Variants in MYO3B observed in about 807,000 individuals in gnomAD.
The protein encoded by MYO3B is myosin IIIB.
A neutral mutation model predicts 174.6 loss-of-function variants in MYO3B; 156 were observed. The ratio of observed to expected loss-of-function variants is 0.89; its 90% CI spans 0.78 to 1.02. The LOEUF (loss-of-function observed/expected upper bound fraction) is 1.02. MYO3B is among the 50% of genes least tolerant of loss of function. The probability of loss-of-function intolerance (pLI) is 0.00; values close to 1 mark genes in which losing one functional copy is unlikely to be tolerated. For missense variants in MYO3B, 1,632 were observed against 1,639.4 expected (o/e 1.00, Z 0.08); for synonymous variants, 563 against 569.1 (o/e 0.99, Z 0.15).
chr2:170,645,268 C>T (rs570237575), intron 32 of MYO3B, among the ~76,000 whole-genome samples: 4 of 152,004 alleles, frequency 2.6e-5, no homozygotes, highest in African/African-American at 9.6e-5. Flanking sequence ...GTCAGGAGTT[C>T]GAGACCAGCC....
At chr2:170,617,202 A>G (rs771819609) in intron 32 of MYO3B, among the ~76,000 whole-genome samples, 2 of 152,226 alleles carry the variant, frequency 1.3e-5, no homozygotes, top group Non-Finnish European at 2.9e-5. Flanking sequence ...ATTGCAATTA[A>G]TGTAAAAATA....
intron 22 of MYO3B, among the ~76,000 whole-genome samples, chr2:170,442,951 C>T (rs1358843459): frequency 1.3e-5 from 2 of 152,044 alleles, no homozygotes; most frequent in Non-Finnish European, 2.9e-5. Flanking sequence ...TGAATAGTGC[C>T]GCAATAAACA....
rs534044782 is a variant in MYO3B, at chr2:170,424,602, C to G, written c.2650+16758C>G. On this transcript the variant is annotated intron_variant, in intron 22 of 34. Coordinates refer to ENST00000408978, the MANE Select transcript of MYO3B (RefSeq NM_138995.5). The stretch of plus-strand genomic sequence containing the variant: ...CCAGCCTGGGCAAAAGAGGAAGACT[C>G]CGCCTCAAAAAAAAAGAGAAAAAGA... 6.6e-5 allele frequency among the ~76,000 whole-genome samples: 10 copies of G among 151,816 alleles called. 1 individual carries two copies. In the South Asian group the frequency reaches 1.9e-3, roughly 28 times the overall value.
At chr2:170,461,422 G>A (rs537329504) in intron 23 of MYO3B, among the ~76,000 whole-genome samples, 6 of 143,274 alleles carry the variant, frequency 4.2e-5, no homozygotes, top group East Asian at 2.1e-4. Flanking sequence ...GCAGTGAGCT[G>A]AGATCGCACC....
chr2:170,201,943 T>G (rs926019592), intron 3 of MYO3B, among the ~76,000 whole-genome samples: 1 of 152,130 alleles, frequency 6.6e-6, no homozygotes, highest in East Asian at 1.9e-4. Flanking sequence ...ATATCAGACA[T>G]AGAGAACTGA....
intron 22 of MYO3B, among the ~76,000 whole-genome samples, chr2:170,409,527 A>C (rs1480788043): frequency 6.6e-6 from 1 of 152,256 alleles, no homozygotes; most frequent in East Asian, 1.9e-4. Context: ...CCTAAGCTTG[A>C]GTATAGCTTA....
At chr2:170,502,146 G>A (rs1687313125) in intron 28 of MYO3B, among the ~76,000 whole-genome samples, 1 of 152,186 alleles carries the variant, frequency 6.6e-6, no homozygotes, top group Non-Finnish European at 1.5e-5. Flanking sequence ...ACTGAGAAGT[G>A]AAGGGACTTG....
chr2:170,282,994 C>T (rs967008766), intron 7 of MYO3B, among the ~76,000 whole-genome samples: 1 of 152,092 alleles, frequency 6.6e-6, no homozygotes, highest in African/African-American at 2.4e-5. Flanking sequence ...CATTGCAGTC[C>T]TCTGGGTGGA....
At chr2:170,321,242 C>T (rs2093823480) in intron 7 of MYO3B, among the ~76,000 whole-genome samples, 1 of 152,010 alleles carries the variant, frequency 6.6e-6, no homozygotes. Flanking sequence ...TTAAGCTTTC[C>T]ACCCAAGAAA....
At chr2:170,395,371 G>T (rs2105778666) in intron 16 of MYO3B, among the ~76,000 whole-genome samples, 1 of 152,294 alleles carries the variant, frequency 6.6e-6, no homozygotes, top group South Asian at 2.1e-4. Context: ...TCTATTTAAT[G>T]CTACATGAAA....
intron 6 of MYO3B, among the ~76,000 whole-genome samples, chr2:170,230,691 T>C (rs1352334577): frequency 1.3e-5 from 2 of 152,224 alleles, no homozygotes; most frequent in African/African-American, 4.8e-5. Flanking sequence ...ATAGACATTT[T>C]AGAAAACATA....
chr2:170,482,845 T>C (rs578082008), intron 25 of MYO3B, among the ~76,000 whole-genome samples: 1 of 152,372 alleles, frequency 6.6e-6, no homozygotes, highest in South Asian at 2.1e-4. Context: ...TATTATAGGC[T>C]AAAGAGAACT....
At chr2:170,514,642 GAC>G (rs1467226067) in intron 28 of MYO3B, among the ~76,000 whole-genome samples, 2 of 152,212 alleles carry the variant, frequency 1.3e-5, no homozygotes, top group African/African-American at 4.8e-5. Context: ...TGTGATCAGT[GAC>G]ACAGTTTCCC....
At chr2:170,195,164 G>T (rs2092584672) in intron 1 of MYO3B, among the ~76,000 whole-genome samples, 1 of 151,918 alleles carries the variant, frequency 6.6e-6, no homozygotes, top group Non-Finnish European at 1.5e-5. Flanking sequence ...GGAAACACTA[G>T]GTAGAAGAGG....
chr2:170,468,426 C>G (rs965220147), intron 25 of MYO3B, among the ~76,000 whole-genome samples: 1 of 152,066 alleles, frequency 6.6e-6, no homozygotes, highest in African/African-American at 2.4e-5. Context: ...GAGTATACAC[C>G]TGGTGGTGTT....
chr2:170,191,411 T>G (rs569992098), intron 1 of MYO3B, among the ~76,000 whole-genome samples: 1 of 152,194 alleles, frequency 6.6e-6, no homozygotes, highest in East Asian at 1.9e-4. Flanking sequence ...GCCCAGGAAT[T>G]GCAGTCTTTG....
At chr2:170,322,911 G>A (rs1049397543) in intron 7 of MYO3B, among the ~76,000 whole-genome samples, 3 of 152,168 alleles carry the variant, frequency 2.0e-5, no homozygotes, top group East Asian at 3.8e-4. Flanking sequence ...TAGAGACAAT[G>A]TGGTAGGATC....
At chr2:170,635,784 G>C (rs1052222862) in intron 32 of MYO3B, among the ~76,000 whole-genome samples, 1 of 152,120 alleles carries the variant, frequency 6.6e-6, no homozygotes, top group African/African-American at 2.4e-5. Context: ...TAGATAAGGG[G>C]AAGGAGGAGG....
intron 16 of MYO3B, among the ~76,000 whole-genome samples, chr2:170,399,242 CAAAAAAA>C (rs71399532): frequency 6.4e-5 from 1 of 15,608 alleles, no homozygotes; most frequent in Non-Finnish European, 1.3e-4. Context: ...AATTCCGTCT[CAAAAAAA>C]AAAAAAAAAA....
Sources: gnomAD v4.1 joint callset for allele counts (sites outside exome capture counted in the v4.1 genomes callset) on GRCh38, gnomAD v4.1.1 for gene constraint, MANE v1.5 for transcripts, NCBI Gene and HGNC (gene_info 2026-07-23, HGNC 2026-07-21) for gene names.